ASTN2: variants seen among roughly 807,000 people sequenced by gnomAD.
The protein encoded by ASTN2 is astrotactin 2.
Under a neutral mutation model 139.8 loss-of-function variants are expected in ASTN2, and 54 were observed. The ratio of observed to expected loss-of-function variants is 0.39; its 90% CI spans 0.31 to 0.48. The LOEUF (loss-of-function observed/expected upper bound fraction) is 0.48, where lower values mean the gene tolerates loss of function less well. Ranked by LOEUF, ASTN2 falls within the 20% of genes least tolerant of loss-of-function variation. ASTN2 has a pLI of 0.95. For synonymous variants in ASTN2, 756 were observed against 719.5 expected, an observed-to-expected ratio of 1.05 and a Z score of -0.81; for missense variants, 1,565 against 1,725.1, an observed-to-expected ratio of 0.91 and a Z score of 1.64.
At chr9:117,340,712 A>G (rs1484759526) in intron 1 of ASTN2, among the ~76,000 whole-genome samples, 1 of 152,218 alleles carries the variant, frequency 6.6e-6, no homozygotes, top group Non-Finnish European at 1.5e-5. Flanking sequence ...GTCAAGTGCC[A>G]TAAAAGGCAC....
intron 20 of ASTN2, among the ~76,000 whole-genome samples, chr9:116,463,294 AT>A (rs1316136081): frequency 1.3e-5 from 2 of 152,090 alleles, no homozygotes; most frequent in Non-Finnish European, 2.9e-5. Flanking sequence ...TTTTTCTGAA[AT>A]GGTTATCCAG....
chr9:116,651,577 T>C lies in ASTN2; in HGVS notation c.3023A>G (p.Asn1008Ser). The change falls in exon 17 of 23, where the codon AAC becomes AGC. Residue 1008 changes from asparagine to serine, a missense_variant. By Grantham distance (46) the Asn-to-Ser change is conservative. Transcript: ENST00000313400. ...LSPTPVLLEINRVVPLYTLIQ... is the reference protein window; with the variant it reads ...LSPTPVLLEISRVVPLYTLIQ... Reference sequence around the variant, plus strand: ...GAGGGTATAAAGTGGCACCACACGGTTGATTTCCAGCAGCACTGGTGTGGG... The same window carrying C: ...GAGGGTATAAAGTGGCACCACACGGCTGATTTCCAGCAGCACTGGTGTGGG... 4.3e-6 allele frequency: 7 copies of C among 1,614,150 alleles called. No homozygotes were observed. Among genetic ancestry groups the C allele is most frequent in the South Asian group, 1.1e-5 (1 of 91,074 alleles).
intron 3 of ASTN2, among the ~76,000 whole-genome samples, chr9:117,184,247 G>A (rs1831143720): frequency 6.6e-6 from 1 of 152,194 alleles, no homozygotes; most frequent in South Asian, 2.1e-4. Flanking sequence ...CTCCCCTGGA[G>A]CAGAGCCGGG....
intron 10 of ASTN2, among the ~76,000 whole-genome samples, chr9:116,944,613 C>T (rs377323548): frequency 7.5e-4 from 103 of 137,874 alleles, no homozygotes; most frequent in African/African-American, 2.4e-3. Context: ...ACCCAGGGGA[C>T]GGATGCTGCA....
chr9:116,614,595 C>A (rs1014689316), intron 19 of ASTN2, among the ~76,000 whole-genome samples: 13 of 152,060 alleles, frequency 8.5e-5, no homozygotes, highest in Non-Finnish European at 1.5e-4. Context: ...TGATCTTTGA[C>A]AAATCTGACA....
At chr9:116,477,131 G>C (rs1849006308) in intron 20 of ASTN2, among the ~76,000 whole-genome samples, 1 of 152,086 alleles carries the variant, frequency 6.6e-6, no homozygotes, top group Non-Finnish European at 1.5e-5. Flanking sequence ...TCTTGACGCA[G>C]TGTGAGGAAA....
At chr9:116,517,330 C>T (rs2119216336) in intron 19 of ASTN2, among the ~76,000 whole-genome samples, 1 of 152,342 alleles carries the variant, frequency 6.6e-6, no homozygotes, top group East Asian at 1.9e-4. Context: ...AGACAGATAA[C>T]ATTACAGGAC....
At chr9:117,408,910 T>C (rs985539420) in intron 1 of ASTN2, among the ~76,000 whole-genome samples, 4 of 152,046 alleles carry the variant, frequency 2.6e-5, no homozygotes, top group African/African-American at 9.7e-5. Context: ...AGAAGTGGGG[T>C]AGGGTATGGA....
chr9:117,347,833 A>G (rs975303721), intron 1 of ASTN2, among the ~76,000 whole-genome samples: 10 of 152,186 alleles, frequency 6.6e-5, no homozygotes, highest in Non-Finnish European at 1.2e-4. Context: ...GCACTGGATG[A>G]CAAGGGCACA....
intron 7 of ASTN2, among the ~76,000 whole-genome samples, chr9:116,978,495 G>GCA (rs5900243): frequency 0.026 from 3,343 of 127,600 alleles, 57 homozygotes; most frequent in East Asian, 0.095. Flanking sequence ...TCTCTCTCAC[G>GCA]CACACACACA....
intron 2 of ASTN2, among the ~76,000 whole-genome samples, chr9:117,287,620 T>C (rs1834483432): frequency 6.6e-6 from 1 of 152,146 alleles, no homozygotes; most frequent in Admixed American, 6.5e-5. Context: ...AAAGTGATAA[T>C]ATGCAGAGAA....
At chr9:117,318,562 G>T (rs942658547) in intron 1 of ASTN2, among the ~76,000 whole-genome samples, 6 of 152,090 alleles carry the variant, frequency 3.9e-5, no homozygotes, top group African/African-American at 9.7e-5. Context: ...CAACATCGAG[G>T]TTAATTTAGT....
At chr9:116,784,319 C>T (rs183464952) in intron 13 of ASTN2, among the ~76,000 whole-genome samples, 108 of 152,296 alleles carry the variant, frequency 7.1e-4, no homozygotes, top group African/African-American at 2.5e-3. Context: ...ACAGATATAA[C>T]ACTGGCTCTT....
At chr9:116,754,073 G>A (rs1246118805) in intron 13 of ASTN2, among the ~76,000 whole-genome samples, 1 of 147,992 alleles carries the variant, frequency 6.8e-6, no homozygotes, top group Non-Finnish European at 1.5e-5. Flanking sequence ...TTGGTTTTCT[G>A]TTCTTGTGTT....
intron 1 of ASTN2, among the ~76,000 whole-genome samples, chr9:117,292,339 C>T (rs1022189485): frequency 1.1e-4 from 16 of 152,198 alleles, no homozygotes; most frequent in African/African-American, 3.9e-4. Context: ...ATGTATCATA[C>T]CTTTTTATTA....
intron 2 of ASTN2, among the ~76,000 whole-genome samples, chr9:117,256,456 C>T (rs991897483): frequency 6.6e-6 from 1 of 152,120 alleles, no homozygotes; most frequent in Non-Finnish European, 1.5e-5. Flanking sequence ...ATTGGTTAGG[C>T]ACTAAGGTTC....
At position 116,916,771 on chromosome 9, in the gene ASTN2, G is replaced by T. The variant is rs12340236; in HGVS notation, c.1890-53038C>A. ...TGCTTGAGCCTGGGAGGCAGAGGTCGCAGTGAGCCAAGATTGTGCCACTGA... is the reference window on the plus strand; with the variant it reads ...TGCTTGAGCCTGGGAGGCAGAGGTCTCAGTGAGCCAAGATTGTGCCACTGA... On this transcript the variant is annotated intron_variant, in intron 10 of 22. Transcript: ENST00000313400. Among the ~76,000 whole-genome samples the T allele has an allele frequency of 8.0e-3, 1,214 of 152,226 alleles. 12 individuals carry two copies. The highest frequency in any genetic ancestry group is 0.023 in the African/African-American group (953 of 41,550).
intron 10 of ASTN2, among the ~76,000 whole-genome samples, chr9:116,973,648 C>G (rs1040203904): frequency 6.6e-6 from 1 of 152,132 alleles, no homozygotes; most frequent in African/African-American, 2.4e-5. Context: ...CCAGATGGTC[C>G]TTGCTTTATC....
At chr9:116,948,247 G>T (rs959496165) in intron 10 of ASTN2, among the ~76,000 whole-genome samples, 27 of 152,092 alleles carry the variant, frequency 1.8e-4, no homozygotes, top group Non-Finnish European at 3.1e-4. Flanking sequence ...TTGTGGGGAG[G>T]TACTTTGAAA....
Sources: gnomAD v4.1 joint callset for allele counts (sites outside exome capture counted in the v4.1 genomes callset) on GRCh38, gnomAD v4.1.1 for gene constraint, MANE v1.5 for transcripts, NCBI Gene and HGNC (gene_info 2026-07-23, HGNC 2026-07-21) for gene names.